Variants in EXT1 observed in about 807,000 individuals in gnomAD.
EXT1 encodes the protein exostosin glycosyltransferase 1.
EXT1 carries 20 observed loss-of-function variants against 82.5 expected under a neutral mutation model. The observed-to-expected ratio is 0.24, with a 90% CI of 0.17 to 0.35. The LOEUF is 0.35. Ranked by LOEUF, EXT1 falls within the 10% of genes least tolerant of loss-of-function variation. The pLI is 1.00. For missense variants in EXT1, 757 were observed against 936.5 expected, an observed-to-expected ratio of 0.81 and a Z score of 2.50; for synonymous variants, 348 against 350.8, an observed-to-expected ratio of 0.99 and a Z score of 0.09.
intron 1 of EXT1, among the ~76,000 whole-genome samples, chr8:117,905,233 C>A (rs1813521294): frequency 6.6e-6 from 1 of 152,174 alleles, no homozygotes; most frequent in African/African-American, 2.4e-5. Flanking sequence ...CGTGGGCAAG[C>A]TGACATTCCT....
At chr8:118,010,429 AC>A (rs1234192629) in intron 1 of EXT1, among the ~76,000 whole-genome samples, 2 of 148,260 alleles carry the variant, frequency 1.3e-5, no homozygotes, top group African/African-American at 5.0e-5. Context: ...TTCACCCCCC[AC>A]CTCTATTTCA....
chr8:117,840,980 G>A (rs995320426), intron 1 of EXT1, among the ~76,000 whole-genome samples: 2 of 152,144 alleles, frequency 1.3e-5, no homozygotes, highest in Non-Finnish European at 2.9e-5. Flanking sequence ...AAGGTAAAAC[G>A]GTGCAGCCAC....
chr8:118,073,551 G>A (rs1817136412), intron 1 of EXT1, among the ~76,000 whole-genome samples: 1 of 152,080 alleles, frequency 6.6e-6, no homozygotes. Context: ...AGCCTGGGAC[G>A]CAGAGGTTGC....
chr8:117,958,714 T>C (rs956919258), intron 1 of EXT1, among the ~76,000 whole-genome samples: 12 of 152,242 alleles, frequency 7.9e-5, no homozygotes, highest in Admixed American at 6.5e-4. Context: ...GCATTTACTA[T>C]GTACCGAAAG....
intron 1 of EXT1, among the ~76,000 whole-genome samples, chr8:117,967,372 A>G (rs546293229): frequency 5.3e-5 from 8 of 152,352 alleles, no homozygotes; most frequent in African/African-American, 1.9e-4. Flanking sequence ...TCTTTATTTT[A>G]GTCAATGACC....
At chr8:117,969,696 C>T (rs2325820) in intron 1 of EXT1, among the ~76,000 whole-genome samples, 114,029 of 152,028 alleles carry the variant, frequency 0.75, 44,165 homozygotes, top group African/African-American at 0.94. Flanking sequence ...TGTGTGTGTG[C>T]GCGCGCACGC....
chr8:117,895,035 T>A (rs1813311962), intron 1 of EXT1, among the ~76,000 whole-genome samples: 1 of 152,240 alleles, frequency 6.6e-6, no homozygotes, highest in African/African-American at 2.4e-5. Flanking sequence ...GGGTTTGCTG[T>A]ATCAAATTGT....
intron 1 of EXT1, among the ~76,000 whole-genome samples, chr8:118,043,901 T>C (rs1816577615): frequency 6.6e-6 from 1 of 152,208 alleles, no homozygotes. Flanking sequence ...AGAAATACCA[T>C]CTACAGAATA....
At chr8:117,811,352 A>G (rs1165846780) in intron 8 of EXT1, among the ~76,000 whole-genome samples, 2 of 152,264 alleles carry the variant, frequency 1.3e-5, no homozygotes, top group East Asian at 1.9e-4. Context: ...GTCTTTCCCT[A>G]TGAATGTTAA....
At chr8:117,926,995 T>G (rs550526606) in intron 1 of EXT1, among the ~76,000 whole-genome samples, 62 of 152,364 alleles carry the variant, frequency 4.1e-4, no homozygotes, top group Non-Finnish European at 6.3e-4. Flanking sequence ...GCTGTTTACA[T>G]GTGCAATTTA....
chr8:117,931,414 TTTATAAA>T (rs1245931522), intron 1 of EXT1, among the ~76,000 whole-genome samples: 2 of 152,058 alleles, frequency 1.3e-5, no homozygotes, highest in Non-Finnish European at 2.9e-5. Context: ...TTGATAAATC[TTTATAAA>T]TTATAAACTA....
intron 1 of EXT1, among the ~76,000 whole-genome samples, chr8:117,917,372 A>G (rs7824651): frequency 0.76 from 116,233 of 152,026 alleles, 45,405 homozygotes; most frequent in African/African-American, 0.91. Context: ...GGCTGAGGCA[A>G]GAGAATCACT....
intron 1 of EXT1, among the ~76,000 whole-genome samples, chr8:117,929,397 C>A (rs17475743): frequency 0.021 from 3,204 of 152,306 alleles, 44 homozygotes; most frequent in Middle Eastern, 0.048. Context: ...CACTTCCTCC[C>A]TGCTCTTCAA....
chr8:117,844,350 A>G (rs966740267), intron 1 of EXT1, among the ~76,000 whole-genome samples: 10 of 151,826 alleles, frequency 6.6e-5, no homozygotes, highest in Non-Finnish European at 1.2e-4. Context: ...ATGGGGTCTC[A>G]CTTTGTTGCC....
At chr8:118,098,572 T>G (rs143820687) in intron 1 of EXT1, among the ~76,000 whole-genome samples, 2,987 of 152,024 alleles carry the variant, frequency 0.02, 96 homozygotes, top group African/African-American at 0.068. Flanking sequence ...CTGGCTAACA[T>G]GGTGAAACCC....
At chr8:117,807,986 C>G (rs996379899) in intron 8 of EXT1, among the ~76,000 whole-genome samples, 1 of 152,116 alleles carries the variant, frequency 6.6e-6, no homozygotes, top group Non-Finnish European at 1.5e-5. Context: ...AAAGCATCAA[C>G]AGTGAAAATC....
intron 1 of EXT1, among the ~76,000 whole-genome samples, chr8:117,925,225 T>A (rs2129640428): frequency 6.6e-6 from 1 of 152,328 alleles, no homozygotes; most frequent in East Asian, 1.9e-4. Flanking sequence ...TTTCCTCATA[T>A]GACAGGAAAA....
intron 1 of EXT1, among the ~76,000 whole-genome samples, chr8:117,901,330 T>C (rs6994720): frequency 2.6e-5 from 4 of 152,226 alleles, no homozygotes; most frequent in African/African-American, 9.7e-5. Flanking sequence ...AGTATTTGTG[T>C]ATCAACACAT....
chr8:118,099,061 A>G (rs574863592), intron 1 of EXT1, among the ~76,000 whole-genome samples: 1 of 152,242 alleles, frequency 6.6e-6, no homozygotes, highest in Non-Finnish European at 1.5e-5. Flanking sequence ...CTTTTTCTAC[A>G]TTCTTAAACA....
Sources: allele counts gnomAD v4.1 joint callset (sites outside exome capture counted in the v4.1 genomes callset), GRCh38; gene constraint gnomAD v4.1.1; transcripts MANE v1.5; gene names NCBI Gene and HGNC (gene_info 2026-07-23, HGNC 2026-07-21).